UBE2H: variants seen among roughly 807,000 people sequenced by gnomAD.
UBE2H encodes the protein ubiquitin conjugating enzyme E2 H.
Under a neutral mutation model 29.0 loss-of-function variants are expected in UBE2H, and 3 were observed. The ratio of observed to expected loss-of-function variants is 0.10; its 90% CI spans 0.05 to 0.27. The LOEUF (loss-of-function observed/expected upper bound fraction) is 0.27. Among genes scored for constraint, UBE2H ranks in the 10% least tolerant of loss-of-function variants. The pLI, the probability that UBE2H is intolerant of heterozygous loss-of-function variation, is 1.00. For missense variants in UBE2H, 68 were observed against 228.2 expected, an observed-to-expected ratio of 0.30 and a Z score of 4.52; for synonymous variants, 69 against 82.9, an observed-to-expected ratio of 0.83 and a Z score of 0.91.
At chr7:129,928,013 C>A (rs968638945) in intron 1 of UBE2H, among the ~76,000 whole-genome samples, 1 of 137,848 alleles carries the variant, frequency 7.3e-6, no homozygotes, top group African/African-American at 2.7e-5. Context: ...TGGCGAAATA[C>A]CATCTCAAAA....
intron 1 of UBE2H, among the ~76,000 whole-genome samples, chr7:129,934,971 ATATATGTGTGTG>A (rs1807494699): frequency 6.6e-6 from 1 of 150,758 alleles, no homozygotes; most frequent in African/African-American, 2.4e-5. Flanking sequence ...ATATATGTGT[ATATATGTGTGTG>A]TATATATATG....
At chr7:129,940,759 T>C (rs931128373) in intron 1 of UBE2H, among the ~76,000 whole-genome samples, 1 of 152,252 alleles carries the variant, frequency 6.6e-6, no homozygotes, top group Admixed American at 6.5e-5. Context: ...ACCAGACACC[T>C]TCCCCAAGCA....
chr7:129,859,232 T>C (rs1374905898), intron 3 of UBE2H, among the ~76,000 whole-genome samples: 2 of 152,202 alleles, frequency 1.3e-5, no homozygotes, highest in African/African-American at 2.4e-5. Flanking sequence ...TGCTCAAAGA[T>C]AAATTATACT....
At chr7:129,866,366 T>C (rs574259367) in intron 3 of UBE2H, among the ~76,000 whole-genome samples, 1 of 152,380 alleles carries the variant, frequency 6.6e-6, no homozygotes, top group East Asian at 1.9e-4. Context: ...ATAACCCTTC[T>C]ACCAACCTAG....
intron 3 of UBE2H, among the ~76,000 whole-genome samples, chr7:129,871,478 G>A (rs1267076652): frequency 1.9e-4 from 29 of 152,098 alleles, no homozygotes; most frequent in Admixed American, 1.9e-3. Context: ...ACTTTGGGAG[G>A]CCAAGGCAGG....
Position 129,830,844 on chromosome 7 carries a change from T to C in UBE2H, c.*4093A>G, listed in dbSNP as rs1275882438. On this transcript the variant is annotated 3_prime_UTR_variant, in exon 7 of 7. Transcript: ENST00000355621. ...GTGTCCTGTTGACAGACGTGCCTACTAGATCATCACAATGCAAGGAGAAAG... is the reference window on the plus strand; with the variant it reads ...GTGTCCTGTTGACAGACGTGCCTACCAGATCATCACAATGCAAGGAGAAAG... 1 of 147,072 alleles carries C rather than the reference T, an allele frequency of 6.8e-6. No homozygotes were observed. Among genetic ancestry groups the C allele is most frequent in the Non-Finnish European group, 1.5e-5 (1 of 67,024 alleles). The allele number at this position is 147,072 out of a possible 1,614,324, so 9.1% of individuals were successfully genotyped here.
intron 5 of UBE2H, among the ~76,000 whole-genome samples, chr7:129,851,740 A>G (rs1805613441): frequency 6.6e-6 from 1 of 152,196 alleles, no homozygotes; most frequent in Admixed American, 6.5e-5. Context: ...GCTGACCACC[A>G]GTGAGTGTGG....
At chr7:129,841,720 T>A (rs1374923732) in intron 5 of UBE2H, among the ~76,000 whole-genome samples, 3 of 152,126 alleles carry the variant, frequency 2.0e-5, no homozygotes, top group African/African-American at 7.2e-5. Flanking sequence ...GGTGATTTCA[T>A]CAGAGTCTAT....
intron 5 of UBE2H, among the ~76,000 whole-genome samples, chr7:129,848,102 C>T (rs970164690): frequency 6.6e-6 from 1 of 152,202 alleles, no homozygotes; most frequent in Non-Finnish European, 1.5e-5. Flanking sequence ...ATAAGTTCCT[C>T]TTGCCCTCAA....
At chr7:129,891,207 C>T (rs774493407) in intron 1 of UBE2H, among the ~76,000 whole-genome samples, 8 of 150,214 alleles carry the variant, frequency 5.3e-5, no homozygotes, top group Non-Finnish European at 1.0e-4. Flanking sequence ...TTTTTTGAGA[C>T]GGAGTTTCAC....
intron 1 of UBE2H, among the ~76,000 whole-genome samples, chr7:129,925,825 G>C (rs1807257380): frequency 6.6e-6 from 1 of 152,160 alleles, no homozygotes; most frequent in African/African-American, 2.4e-5. Context: ...GCACTGAAGA[G>C]GGCTGGGAAT....
chr7:129,930,082 T>C (rs1475045299), intron 1 of UBE2H, among the ~76,000 whole-genome samples: 1 of 152,222 alleles, frequency 6.6e-6, no homozygotes, highest in Non-Finnish European at 1.5e-5. Flanking sequence ...TCCTAGACTT[T>C]ATCATAATAT....
chr7:129,950,056 T>C (rs1807844392), intron 1 of UBE2H, among the ~76,000 whole-genome samples: 1 of 152,182 alleles, frequency 6.6e-6, no homozygotes, highest in African/African-American at 2.4e-5. Context: ...AAATATACCT[T>C]ACTCAAAAAT....
At chr7:129,950,950 T>C (rs1469816326) in intron 1 of UBE2H, among the ~76,000 whole-genome samples, 1 of 152,162 alleles carries the variant, frequency 6.6e-6, no homozygotes, top group Non-Finnish European at 1.5e-5. Flanking sequence ...CTTTATTAGT[T>C]GCTCCGCTCT....
chr7:129,933,215 T>C (rs889657578), intron 1 of UBE2H, among the ~76,000 whole-genome samples: 3 of 152,178 alleles, frequency 2.0e-5, no homozygotes, highest in Admixed American at 1.3e-4. Flanking sequence ...AGTCCTCTTT[T>C]GTCACAGAAT....
At chr7:129,945,136 G>A (rs868641518) in intron 1 of UBE2H, among the ~76,000 whole-genome samples, 1 of 152,168 alleles carries the variant, frequency 6.6e-6, no homozygotes, top group African/African-American at 2.4e-5. Flanking sequence ...ATTACAAAGG[G>A]CCACAAGAAA....
intron 5 of UBE2H, among the ~76,000 whole-genome samples, chr7:129,849,134 T>C (rs1319589031): frequency 6.9e-6 from 1 of 145,626 alleles, no homozygotes; most frequent in Non-Finnish European, 1.5e-5. Context: ...TGCACACAAC[T>C]AAGCAGTTGT....
At chr7:129,846,808 C>G (rs921791887) in intron 5 of UBE2H, among the ~76,000 whole-genome samples, 1 of 152,100 alleles carries the variant, frequency 6.6e-6, no homozygotes, top group African/African-American at 2.4e-5. Flanking sequence ...GCCATTCTTC[C>G]GTTCTCAATC....
rs1805215184 is a variant in UBE2H at position 129,830,979 on chromosome 7, A to C, written c.*3958T>G. On this transcript the variant is annotated 3_prime_UTR_variant, in exon 7 of 7. Coordinates refer to ENST00000355621, the MANE Select transcript of UBE2H (RefSeq NM_003344.4). ...TTCAAGTATCACACAATATGTACCA[A>C]ATACAATCTGTAAATAATGGCCATT... is the stretch of plus-strand genomic sequence containing the variant. The C allele has an allele frequency of 6.6e-6, 1 of 151,766 alleles. No homozygotes were observed. Among genetic ancestry groups the C allele is most frequent in the African/African-American group, 2.4e-5 (1 of 41,248 alleles). 9.4% of individuals were successfully genotyped at this position (151,766 alleles called of 1,614,324 possible).
Sources: gnomAD v4.1 joint callset for allele counts (sites outside exome capture counted in the v4.1 genomes callset) on GRCh38, gnomAD v4.1.1 for gene constraint, MANE v1.5 for transcripts, NCBI Gene and HGNC (gene_info 2026-07-23, HGNC 2026-07-21) for gene names.